ADH1B: variants seen among roughly 807,000 people sequenced by gnomAD.
ADH1B encodes alcohol dehydrogenase 1B (class I), beta polypeptide.
In ADH1B, 29 loss-of-function variants were observed where a neutral mutation model predicts 34.6. The observed-to-expected ratio is 0.84, with a 90% CI of 0.62 to 1.14. The LOEUF (loss-of-function observed/expected upper bound fraction) is 1.14, where lower values mean the gene tolerates loss of function less well. ADH1B is among the 50% of genes most tolerant of loss of function. The probability of loss-of-function intolerance (pLI) is 0.00; values close to 1 mark genes in which losing one functional copy is unlikely to be tolerated. For missense variants in ADH1B, 424 were observed against 468.4 expected (o/e 0.91, Z 0.87); for synonymous variants, 170 against 175.5 (o/e 0.97, Z 0.25).
rs2110625307 is a variant in ADH1B, at chr4:99,305,590, T to TATATATATAC, written c.*2249_*2250insGTATATATAT. 8 of 99,252 alleles carry TATATATATAC rather than the reference T, an allele frequency of 8.1e-5. No individual in the cohort carries two copies. Among genetic ancestry groups the TATATATATAC allele is most frequent in the African/African-American group, 2.8e-4 (8 of 28,398 alleles). The allele number at this position is 99,252 out of a possible 1,614,324, so 6.1% of individuals were successfully genotyped here. ...ATATATATATATATATATATATATATATATATATATATATATATACAATCA... is the reference window on the plus strand; with the variant it reads ...ATATATATATATATATATATATATATATATATATACATATATATATATATATATACAATCA... On this transcript the variant is annotated 3_prime_UTR_variant, in exon 9 of 9. Coordinates refer to ENST00000305046, the MANE Select transcript of ADH1B (RefSeq NM_000668.6).
chr4:99,312,050 T>C (rs1316136195), intron 6 of ADH1B, among the ~76,000 whole-genome samples: 1 of 152,230 alleles, frequency 6.6e-6, no homozygotes, highest in Non-Finnish European at 1.5e-5. Context: ...ACGGACATGT[T>C]TTAAACATTG....
At position 99,305,106 on chromosome 4, in the gene ADH1B, T is replaced by C. The variant is rs1733568057; in HGVS notation, c.*2734A>G. 6.6e-6 allele frequency: 1 copy of C among 152,104 alleles called. No individual in the cohort carries two copies. Among genetic ancestry groups the C allele is most frequent in the African/African-American group, 2.4e-5 (1 of 41,428 alleles). The allele number at this position is 152,104 out of a possible 1,614,324, so 9.4% of individuals were successfully genotyped here. A position where few individuals can be genotyped will look rare whatever the true frequency, so the allele number is the denominator to read the frequency against. The stretch of plus-strand genomic sequence containing the variant: ...CATTTTCCTCTTTGGTTGTCTATTT[T>C]TAAATGAAAAAGCACCAGGATTTTA... On this transcript the variant is annotated 3_prime_UTR_variant, in exon 9 of 9. Coordinates refer to ENST00000305046, the MANE Select transcript of ADH1B (RefSeq NM_000668.6).
chr4:99,318,648 C>T, intron 2 of ADH1B, 137 bp downstream of exon 2: 7 of 851,648 alleles, frequency 8.2e-6, no homozygotes, highest in South Asian at 2.2e-5. Flanking sequence ...TATACCTTTC[C>T]TTGACAACAA....
intron 3 of ADH1B, 73 bp downstream of exon 3, chr4:99,317,973 C>T: frequency 1.9e-6 from 3 of 1,589,240 alleles, no homozygotes; most frequent in Non-Finnish European, 1.7e-6. Context: ...CTCTCATTGC[C>T]TTGGTTTCCT....
rs1789882 is a variant in ADH1B, at chr4:99,313,896, A to G, written c.753T>C (p.Ile251=). ...CINPQDYKKP[I]QEVLKEMTDG... ...CAGTCATTTCCTTTAGCACTTCCTGAATGGGTTTCTTGTAGTCTTGAGGGT... is the reference window on the plus strand; with the variant it reads ...CAGTCATTTCCTTTAGCACTTCCTGGATGGGTTTCTTGTAGTCTTGAGGGT... The change falls in exon 6 of 9, where the codon ATT becomes ATC. Residue 251 remains isoleucine, a synonymous_variant. Transcript: ENST00000305046. The G allele has an allele frequency of 0.82, 1,321,349 of 1,612,934 alleles. 542,042 individuals carry two copies. The highest frequency in any genetic ancestry group is 0.92 in the East Asian group (41,278 of 44,870).
chr4:99,310,242 A>G (rs541824956), intron 8 of ADH1B: 1 of 308,996 alleles, frequency 3.2e-6, no homozygotes, highest in Non-Finnish European at 6.3e-6. Context: ...GTGGTAAAAA[A>G]TTTTTTCTTA....
intron 6 of ADH1B, chr4:99,313,535 AT>A (rs1187665274): frequency 1.2e-5 from 5 of 416,870 alleles, no homozygotes; most frequent in Non-Finnish European, 2.1e-5. Context: ...TTGAACTTAT[AT>A]TTTTTAACTA....
chr4:99,317,851 G>C, intron 3 of ADH1B, 195 bp downstream of exon 3: 1 of 823,068 alleles, frequency 1.2e-6, no homozygotes, highest in Non-Finnish European at 1.9e-6. Context: ...TGGTTGAAGG[G>C]TACAATACAT....
In ADH1B at chr4:99,307,381, A is replaced by G. The variant is rs1425952114; in HGVS notation, c.*459T>C. On this transcript the variant is annotated 3_prime_UTR_variant, in exon 9 of 9. Transcript: ENST00000305046. ...AGCTTTTACCCCAGGGATTTGGTAC[A>G]TTTTTATTAGAAAAAGGAAAATGTC... 1 of 183,256 alleles carries G rather than the reference A, an allele frequency of 5.5e-6. No individual in the cohort carries two copies. Among genetic ancestry groups the G allele is most frequent in the Non-Finnish European group, 1.1e-5 (1 of 89,794 alleles). 11.4% of individuals were successfully genotyped at this position (183,256 alleles called of 1,614,324 possible). A position where few individuals can be genotyped will look rare whatever the true frequency, so the allele number is the denominator to read the frequency against.
At chr4:99,311,720 C>T in intron 6 of ADH1B, 64 bp from the exon 7 acceptor site, 1 of 1,586,840 alleles carries the variant, frequency 6.3e-7, no homozygotes, top group African/African-American at 1.3e-5. Flanking sequence ...TCATAATGCA[C>T]AATATCATGT....
chr4:99,317,824 A>T, intron 3 of ADH1B: 1 of 622,618 alleles, frequency 1.6e-6, no homozygotes, highest in Non-Finnish European at 2.6e-6. Context: ...GGCTTCTAGT[A>T]GATACTCGGT....
At position 99,307,791 on chromosome 4, in the gene ADH1B, A is replaced by G; in HGVS notation, c.*49T>C. ...TCCTAGCTGTTGCTCCAGATCTTGT[A>G]GGGTAGAGGAGGCTGAAGACTGCTA... is the stretch of plus-strand genomic sequence containing the variant. On this transcript the variant is annotated 3_prime_UTR_variant, in exon 9 of 9. Transcript: ENST00000305046. The G allele has an allele frequency of 6.2e-7, 1 of 1,600,076 alleles. No individual in the cohort carries two copies. Among genetic ancestry groups the G allele is most frequent in the Non-Finnish European group, 8.6e-7 (1 of 1,167,616 alleles).
Position 99,313,987 on chromosome 4 carries a change from A to T in ADH1B, c.662T>A (p.Ile221Asn), listed in dbSNP as rs1446467914. ...GCKAAGAARI[I>N]AVDINKDKFA... The stretch of plus-strand genomic sequence containing the variant: ...TTTGTCCTTGTTGATGTCCACCGCA[A>T]TGATTCTGGCTGCTCCAGCTGCTTT... The change falls in exon 6 of 9, where the codon ATT becomes AAT. Residue 221 changes from isoleucine to asparagine, a missense_variant. Physicochemically the swap from Ile to Asn is moderately radical, Grantham distance 149. Around this residue, in one of 3 missense-constraint regions of ADH1B, gnomAD observed 291 missense variants for 300.4 expected, o/e 0.97. Transcript: ENST00000305046. 1 of 1,614,194 alleles carries T rather than the reference A, an allele frequency of 6.2e-7. No individual in the cohort carries two copies. Among genetic ancestry groups the T allele is most frequent in the Non-Finnish European group, 8.5e-7 (1 of 1,180,028 alleles).
At chr4:99,315,752 A>T in intron 5 of ADH1B, 146 bp downstream of exon 5, 17 of 695,034 alleles carry the variant, frequency 2.4e-5, no homozygotes, top group Non-Finnish European at 3.9e-5. Flanking sequence ...TAGCATGTGT[A>T]CTCAATTCTT....
At chr4:99,317,880 A>G (rs947348113) in intron 3 of ADH1B, 166 bp downstream of exon 3, 4 of 1,140,074 alleles carry the variant, frequency 3.5e-6, no homozygotes, top group Admixed American at 4.8e-5. Context: ...GAATGCATAC[A>G]TGCTTGGGTC....
Position 99,310,923 on chromosome 4 carries a change from A to G in ADH1B, c.965-20T>C, listed in dbSNP as rs373779439. On this transcript the variant is annotated intron_variant, in intron 7 of 8. Coordinates refer to ENST00000305046, the MANE Select transcript of ADH1B (RefSeq NM_000668.6). ...TAAAGCCTGAAAAGAAGACAGTATC[A>G]TTGTTGGATTCAGCTAGGGTAAGTA... 6.8e-6 allele frequency: 11 copies of G among 1,608,726 alleles called. No homozygotes were observed. The African/African-American group carries it at 1.2e-4, about 18-fold the overall frequency.
chr4:99,314,342 G>A, intron 5 of ADH1B: 1 of 535,722 alleles, frequency 1.9e-6, no homozygotes, highest in Non-Finnish European at 3.1e-6. Flanking sequence ...CACAGCCCAT[G>A]TCAATTAAAT....
At position 99,307,756 on chromosome 4, in the gene ADH1B, T is replaced by G; in HGVS notation, c.*84A>C. On this transcript the variant is annotated 3_prime_UTR_variant, in exon 9 of 9. Coordinates refer to ENST00000305046, the MANE Select transcript of ADH1B (RefSeq NM_000668.6). ...TGATAACATCTCTGAAGAGCTGAAT[T>G]AATGATATTTCCTAGCTGTTGCTCC... 1 of 1,490,374 alleles carries G rather than the reference T, an allele frequency of 6.7e-7. No individual in the cohort carries two copies. The highest frequency in any genetic ancestry group is 9.3e-7 in the Non-Finnish European group (1 of 1,069,808). The allele number at this position is 1,490,374 out of a possible 1,614,324, so 92.3% of individuals were successfully genotyped here. A position where few individuals can be genotyped will look rare whatever the true frequency, so the allele number is the denominator to read the frequency against.
rs78984460 is a variant in ADH1B, at chr4:99,314,097, A to G, written c.568-16T>C. 9.3e-6 allele frequency: 15 copies of G among 1,611,290 alleles called. No homozygotes were observed. The highest frequency in any genetic ancestry group is 1.2e-5 in the Non-Finnish European group (14 of 1,178,364). On this transcript the variant is annotated splice_polypyrimidine_tract_variant and intron_variant, in intron 5 of 8. Coordinates refer to ENST00000305046, the MANE Select transcript of ADH1B (RefSeq NM_000668.6). Reference sequence around the variant, plus strand: ...CTGGGGTGACCTGTGTTTTCAGAAAATGCAAAAATAGATTAAGTGATGATT... The same window carrying G: ...CTGGGGTGACCTGTGTTTTCAGAAAGTGCAAAAATAGATTAAGTGATGATT...
Sources: gnomAD v4.1 joint callset for allele counts (sites outside exome capture counted in the v4.1 genomes callset) on GRCh38, gnomAD v4.1.1 for gene constraint, gnomAD v4.1.1 regional missense constraint, MANE v1.5 for transcripts, NCBI Gene and HGNC (gene_info 2026-07-23, HGNC 2026-07-21) for gene names.